ZBTB20: variants seen among roughly 807,000 people sequenced by gnomAD.
The protein encoded by ZBTB20 is zinc finger and BTB domain containing 20.
ZBTB20 carries 9 observed loss-of-function variants against 56.9 expected under a neutral mutation model. The ratio of observed to expected loss-of-function variants is 0.16; its 90% CI spans 0.10 to 0.28. ZBTB20 has a LOEUF of 0.28. ZBTB20 is among the 10% of genes least tolerant of loss of function. The pLI is 1.00. For missense variants in ZBTB20, 655 were observed against 1,003.0 expected, an observed-to-expected ratio of 0.65 and a Z score of 4.69; for synonymous variants, 417 against 420.7, an observed-to-expected ratio of 0.99 and a Z score of 0.11.
chr3:114,692,661 G>A (rs2062769137), intron 6 of ZBTB20, among the ~76,000 whole-genome samples: 1 of 152,036 alleles, frequency 6.6e-6, no homozygotes, highest in Admixed American at 6.6e-5. Context: ...TTCAATGCAG[G>A]TCAGCCTCTA....
At chr3:114,921,313 G>A (rs924407238) in intron 3 of ZBTB20, among the ~76,000 whole-genome samples, 2 of 152,044 alleles carry the variant, frequency 1.3e-5, no homozygotes, top group Non-Finnish European at 2.9e-5. Context: ...AGTAGAGATG[G>A]GGTTTCACTG....
At chr3:114,661,460 T>A (rs550160144) in intron 6 of ZBTB20, among the ~76,000 whole-genome samples, 51 of 152,288 alleles carry the variant, frequency 3.3e-4, no homozygotes, top group African/African-American at 1.0e-3. Flanking sequence ...CATATCAAGT[T>A]AGATTTCTCA....
At chr3:115,106,913 T>C (rs752014568) in intron 1 of ZBTB20, among the ~76,000 whole-genome samples, 5 of 152,190 alleles carry the variant, frequency 3.3e-5, no homozygotes, top group African/African-American at 4.8e-5. Flanking sequence ...CCTGAAAGAA[T>C]GAATGACTAA....
Position 114,351,253 on chromosome 3 carries a change from G to A in ZBTB20, c.825C>T (p.Gly275=). Residue 275 remains glycine, a synonymous_variant, in exon 11 of 12, where the codon GGC becomes GGT. Transcript: ENST00000675478. ...AVVSHHETAL[G]LPRDHHMEDP... ...CTTCCATGTGGTGGTCGCGGGGCAG[G>A]CCGAGCGCAGTCTCGTGGTGGCTGA... is the stretch of plus-strand genomic sequence containing the variant. 5 of 1,600,898 alleles carry A rather than the reference G, an allele frequency of 3.1e-6. No individual in the cohort carries two copies. The highest frequency in any genetic ancestry group is 4.2e-6 in the Non-Finnish European group (5 of 1,178,456).
intron 6 of ZBTB20, among the ~76,000 whole-genome samples, chr3:114,530,235 C>T (rs77309095): frequency 0.012 from 1,821 of 152,296 alleles, 37 homozygotes; most frequent in African/African-American, 0.039. Context: ...AAGATCCATT[C>T]ATTGTAAGTG....
chr3:114,563,551 G>C (rs1294869486), intron 6 of ZBTB20, among the ~76,000 whole-genome samples: 1 of 151,988 alleles, frequency 6.6e-6, no homozygotes, highest in Admixed American at 6.6e-5. Context: ...TTAAACCTAA[G>C]GTAAGTAATC....
intron 6 of ZBTB20, among the ~76,000 whole-genome samples, chr3:114,630,908 A>G (rs550169059): frequency 6.6e-6 from 1 of 152,328 alleles, no homozygotes; most frequent in Admixed American, 6.5e-5. Context: ...TAGAGATTAT[A>G]ATCCAGTATT....
chr3:115,141,399 C>T (rs2084807513), intron 1 of ZBTB20, among the ~76,000 whole-genome samples: 1 of 152,126 alleles, frequency 6.6e-6, no homozygotes, highest in Non-Finnish European at 1.5e-5. Flanking sequence ...ATAATTAAGA[C>T]ACCCAAAATT....
intron 6 of ZBTB20, among the ~76,000 whole-genome samples, chr3:114,601,093 A>C (rs1200017987): frequency 6.6e-6 from 1 of 151,998 alleles, no homozygotes; most frequent in East Asian, 1.9e-4. Flanking sequence ...AGATTCAACT[A>C]ATGAGGGGCA....
intron 6 of ZBTB20, among the ~76,000 whole-genome samples, chr3:114,595,306 C>T (rs1451519476): frequency 1.3e-5 from 2 of 152,202 alleles, no homozygotes; most frequent in African/African-American, 4.8e-5. Context: ...AAGGCTGGCT[C>T]ATAATTATGA....
At chr3:114,623,162 G>C (rs796572104) in intron 6 of ZBTB20, among the ~76,000 whole-genome samples, 1 of 152,188 alleles carries the variant, frequency 6.6e-6, no homozygotes, top group Non-Finnish European at 1.5e-5. Flanking sequence ...GCAGGGACCT[G>C]ATGGTAAAGG....
chr3:115,072,702 C>T (rs959566225), intron 1 of ZBTB20, among the ~76,000 whole-genome samples: 3 of 152,162 alleles, frequency 2.0e-5, no homozygotes, highest in African/African-American at 7.2e-5. Context: ...CTAAAAAGAA[C>T]ACTGGCTCTC....
chr3:114,866,249 A>G (rs2075758495), intron 4 of ZBTB20, among the ~76,000 whole-genome samples: 1 of 152,226 alleles, frequency 6.6e-6, no homozygotes, highest in Admixed American at 6.5e-5. Flanking sequence ...TCAACCAAGT[A>G]TGTAGTGTTA....
intron 6 of ZBTB20, among the ~76,000 whole-genome samples, chr3:114,506,042 T>C (rs2044569435): frequency 6.6e-6 from 1 of 152,112 alleles, no homozygotes; most frequent in Non-Finnish European, 1.5e-5. Flanking sequence ...CTAGGTACTT[T>C]GGGGTTTCCT....
At position 114,997,644 on chromosome 3, in the gene ZBTB20, C is replaced by T. The variant is rs142143793; in HGVS notation, c.-506-23228G>A. Among the ~76,000 whole-genome samples, 636 of 151,268 alleles carry T rather than the reference C, an allele frequency of 4.2e-3. 6 individuals are homozygous for T. Among genetic ancestry groups the T allele is most frequent in the African/African-American group, 0.014 (594 of 41,376 alleles). On this transcript the variant is annotated intron_variant, in intron 2 of 11. Coordinates refer to ENST00000675478, the MANE Select transcript of ZBTB20 (RefSeq NM_001348800.3). ...TTTACAAAGAGACAAAGCATGAAGA[C>T]ATAGAAAAGATAAAATTAATCAATA...
At chr3:114,871,642 T>A (rs899102089) in intron 4 of ZBTB20, among the ~76,000 whole-genome samples, 2 of 152,152 alleles carry the variant, frequency 1.3e-5, no homozygotes, top group Non-Finnish European at 2.9e-5. Context: ...TTTAGGAAGA[T>A]GAAGTTAAGT....
chr3:115,083,952 T>C (rs1348061088), intron 1 of ZBTB20, among the ~76,000 whole-genome samples: 2 of 151,974 alleles, frequency 1.3e-5, no homozygotes, highest in African/African-American at 4.8e-5. Flanking sequence ...TAATTTAGTA[T>C]TATTCAACAT....
intron 3 of ZBTB20, among the ~76,000 whole-genome samples, chr3:114,937,568 C>T (rs538565396): frequency 6.6e-6 from 1 of 152,032 alleles, no homozygotes; most frequent in East Asian, 2.0e-4. Flanking sequence ...ACTACAGGCG[C>T]ATCCTACCAC....
At chr3:114,455,131 A>G (rs984871839) in intron 7 of ZBTB20, among the ~76,000 whole-genome samples, 2 of 150,868 alleles carry the variant, frequency 1.3e-5, no homozygotes, top group East Asian at 2.0e-4. Context: ...ACTGATTGGA[A>G]CAGGAGGGAG....
Sources: allele counts gnomAD v4.1 joint callset (sites outside exome capture counted in the v4.1 genomes callset), GRCh38; gene constraint gnomAD v4.1.1; transcripts MANE v1.5; gene names NCBI Gene and HGNC (gene_info 2026-07-23, HGNC 2026-07-21).